Variants in PHETA2 observed in about 807,000 individuals in gnomAD.
The protein encoded by PHETA2 is PH domain containing endocytic trafficking adaptor 2.
For missense variants in PHETA2, 321 were observed against 341.3 expected (o/e 0.94, Z 0.47); for synonymous variants, 133 against 142.9 (o/e 0.93, Z 0.50).
In PHETA2 at chr22:42,078,318, T is replaced by G; in HGVS notation, c.*245T>G. ...TAGCAGCCACAGAGCAAGACCCCAA[T>G]CTCCTGACTGCACTGGCCTGACTGC... On this transcript the variant is annotated 3_prime_UTR_variant, in exon 3 of 3. Transcript: ENST00000321753. 2.0e-6 allele frequency: 1 copy of G among 501,294 alleles called. No homozygotes were observed. Among genetic ancestry groups the G allele is most frequent in the Non-Finnish European group, 3.6e-6 (1 of 279,114 alleles). 31.1% of individuals were successfully genotyped at this position (501,294 alleles called of 1,614,324 possible).
rs1927334170 is a variant in PHETA2 at position 42,077,512 on chromosome 22, A to G, written c.219A>G (p.Thr73=). 2 of 1,614,174 alleles carry G rather than the reference A, an allele frequency of 1.2e-6. No homozygotes were observed. The highest frequency in any genetic ancestry group is 1.7e-6 in the Non-Finnish European group (2 of 1,180,020). The change falls in exon 3 of 3, where the codon ACA becomes ACG. Residue 73 remains threonine (T), a synonymous_variant. Coordinates refer to ENST00000321753, the MANE Select transcript of PHETA2 (RefSeq NM_001002034.3). ...GCCTGGTGGTGCTGGAAGGCTGCAC[A>G]GTGGAACTGGCCGAGGCTCCCGTGC... ...PLSLVVLEGC[T]VELAEAPVPE...
chr22:42,076,012 G>GC (rs1927266814), intron 2 of PHETA2: 1 of 157,900 alleles, frequency 6.3e-6, no homozygotes, highest in African/African-American at 2.4e-5. Flanking sequence ...CCTCCCTTGA[G>GC]CTAAAGAATT....
Position 42,077,587 on chromosome 22 carries a change from A to G in PHETA2, c.294A>G (p.Pro98=), listed in dbSNP as rs777688058. 4 of 1,613,966 alleles carry G rather than the reference A, an allele frequency of 2.5e-6. No homozygotes were observed. The African/African-American group carries it at 5.3e-5, about 22-fold the overall frequency. ...AICFDAPGVR[P]HLLAAEGPAA... ...GCTTTGATGCCCCTGGAGTGCGCCC[A>G]CACCTGCTGGCCGCAGAAGGGCCGG... The change falls in exon 3 of 3, where the codon CCA becomes CCG. Residue 98 remains proline (P), a synonymous_variant. Coordinates refer to ENST00000321753, the MANE Select transcript of PHETA2 (RefSeq NM_001002034.3).
rs1179188565 is a variant in PHETA2, at chr22:42,077,326, T to C, written c.33T>C (p.Tyr11=). MKLNERSVAH[Y]ALSDSPADHM... The stretch of plus-strand genomic sequence containing the variant: ...TGAACGAGAGGAGTGTAGCCCACTA[T>C]GCACTCAGCGACTCCCCAGCGGACC... Residue 11 remains tyrosine, a synonymous_variant, in exon 3 of 3, where the codon TAT becomes TAC. Transcript: ENST00000321753. The C allele has an allele frequency of 3.8e-5, 59 of 1,552,254 alleles. No individual in the cohort carries two copies. The highest frequency in any genetic ancestry group is 1.1e-4 in the Admixed American group (6 of 52,232).
Position 42,077,920 on chromosome 22 carries a change from C to T in PHETA2, c.627C>T (p.Leu209=). Residue 209 remains leucine, a synonymous_variant, in exon 3 of 3, where the codon CTC becomes CTT. Coordinates refer to ENST00000321753, the MANE Select transcript of PHETA2 (RefSeq NM_001002034.3). The part of the protein sequence containing the change: ...EWELQGPASL[L]LGKGQSPVSP... ...AGCTGCAGGGCCCTGCCAGCCTCCTCCTAGGCAAGGGGCAGAGCCCTGTGT... is the reference window on the plus strand; with the variant it reads ...AGCTGCAGGGCCCTGCCAGCCTCCTTCTAGGCAAGGGGCAGAGCCCTGTGT... 1.2e-6 allele frequency: 2 copies of T among 1,613,280 alleles called. No individual in the cohort carries two copies. The highest frequency in any genetic ancestry group is 1.7e-6 in the Non-Finnish European group (2 of 1,179,678).
At position 42,078,256 on chromosome 22, in the gene PHETA2, CTCTT is replaced by C. The variant is rs889036035; in HGVS notation, c.*185_*188del. On this transcript the variant is annotated 3_prime_UTR_variant, in exon 3 of 3. Coordinates refer to ENST00000321753, the MANE Select transcript of PHETA2 (RefSeq NM_001002034.3). ...GGACTGCGGGACCATTCCTTCCATC[CTCTT>C]TATTTCCTGAGGTCCAGAGAAGGAA... 4.7e-6 allele frequency: 3 copies of C among 642,608 alleles called. No homozygotes were observed. Among genetic ancestry groups the C allele is most frequent in the African/African-American group, 3.8e-5 (2 of 53,194 alleles). The allele number at this position is 642,608 out of a possible 1,614,324, so 39.8% of individuals were successfully genotyped here.
chr22:42,074,729 C>T (rs1289870427), intron 1 of PHETA2, among the ~76,000 whole-genome samples: 1 of 152,076 alleles, frequency 6.6e-6, no homozygotes, highest in East Asian at 1.9e-4. Context: ...AGTGCTGGGC[C>T]CAGGACCCCC....
chr22:42,077,232 C>T lies in PHETA2; in HGVS notation c.-14-48C>T, dbSNP rs546238822. Reference sequence around the variant, plus strand: ...GCCGGTGCTGTTCCCCAGGAGGGCACGGAACCACCTCCCTCTCTGATCTGC... The same window carrying T: ...GCCGGTGCTGTTCCCCAGGAGGGCATGGAACCACCTCCCTCTCTGATCTGC... On this transcript the variant is annotated intron_variant, in intron 2 of 2. Transcript: ENST00000321753. The T allele has an allele frequency of 6.7e-6, 10 of 1,494,412 alleles. No individual in the cohort carries two copies. In the South Asian group the frequency reaches 6.8e-5, roughly 10 times the overall value. 92.6% of individuals were successfully genotyped at this position (1,494,412 alleles called of 1,614,324 possible). A position where few individuals can be genotyped will look rare whatever the true frequency, so the allele number is the denominator to read the frequency against.
Position 42,078,237 on chromosome 22 carries a change from C to T in PHETA2, c.*164C>T, listed in dbSNP as rs1927418712. 6.8e-6 allele frequency: 5 copies of T among 730,728 alleles called. No individual in the cohort carries two copies. The highest frequency in any genetic ancestry group is 1.1e-5 in the Non-Finnish European group (5 of 461,184). The allele number at this position is 730,728 out of a possible 1,614,324, so 45.3% of individuals were successfully genotyped here. ...CCACCCGTGTGTCTGGAAGGGACTG[C>T]GGGACCATTCCTTCCATCCTCTTTA... On this transcript the variant is annotated 3_prime_UTR_variant, in exon 3 of 3. Transcript: ENST00000321753.
chr22:42,077,606 G>C lies in PHETA2; in HGVS notation c.313G>C (p.Gly105Arg). The C allele has an allele frequency of 1.2e-6, 2 of 1,614,082 alleles. No homozygotes were observed. Among genetic ancestry groups the C allele is most frequent in the Non-Finnish European group, 1.7e-6 (2 of 1,179,984 alleles). The change falls in exon 3 of 3, where the codon GGG becomes CGG. Residue 105 changes from glycine to arginine, a missense_variant. Coordinates refer to ENST00000321753, the MANE Select transcript of PHETA2 (RefSeq NM_001002034.3). Reference sequence around the variant, plus strand: ...GCGCCCACACCTGCTGGCCGCAGAAGGGCCGGCGGCCCAGGAGGCCTGGGT... The same window carrying C: ...GCGCCCACACCTGCTGGCCGCAGAACGGCCGGCGGCCCAGGAGGCCTGGGT... ...GVRPHLLAAEGPAAQEAWVKV... is the reference protein window; with the variant it reads ...GVRPHLLAAERPAAQEAWVKV...
chr22:42,076,745 G>A (rs1435328405), intron 2 of PHETA2, among the ~76,000 whole-genome samples: 1 of 152,098 alleles, frequency 6.6e-6, no homozygotes, highest in Non-Finnish European at 1.5e-5. Context: ...CCTTACTCTC[G>A]CTCAAGTAAA....
At chr22:42,074,378 C>G (rs866707451) in intron 1 of PHETA2, 37 bp downstream of exon 1, 65 of 152,464 alleles carry the variant, frequency 4.3e-4, no homozygotes, top group African/African-American at 1.5e-3. Context: ...GAGGAGGTGG[C>G]CCCAGGGAAG....
chr22:42,076,808 C>T (rs1203245470), intron 2 of PHETA2, among the ~76,000 whole-genome samples: 1 of 152,116 alleles, frequency 6.6e-6, no homozygotes, highest in East Asian at 1.9e-4. Context: ...CAATAAGATT[C>T]AACAGCTATA....
Position 42,078,381 on chromosome 22 carries a change from G to C in PHETA2, c.*308G>C, listed in dbSNP as rs540109519. 2.7e-5 allele frequency: 10 copies of C among 375,134 alleles called. No individual in the cohort carries two copies. The East Asian group carries it at 4.5e-4, about 17-fold the overall frequency. The allele number at this position is 375,134 out of a possible 1,614,324, so 23.2% of individuals were successfully genotyped here. A position where few individuals can be genotyped will look rare whatever the true frequency, so the allele number is the denominator to read the frequency against. ...GATGTTAATGAAATGAAGGAAGTGG[G>C]GAATGTCACCCGAGACTGTCACAGG... is the stretch of plus-strand genomic sequence containing the variant. On this transcript the variant is annotated 3_prime_UTR_variant, in exon 3 of 3. Transcript: ENST00000321753.
At chr22:42,076,540 C>T (rs1477227978) in intron 2 of PHETA2, among the ~76,000 whole-genome samples, 1 of 152,134 alleles carries the variant, frequency 6.6e-6, no homozygotes, top group African/African-American at 2.4e-5. Flanking sequence ...GATCCACCCA[C>T]CTCGGCCTCC....
At position 42,078,186 on chromosome 22, in the gene PHETA2, A is replaced by G. The variant is rs919338863; in HGVS notation, c.*113A>G. 2 of 1,241,932 alleles carry G rather than the reference A, an allele frequency of 1.6e-6. No individual in the cohort carries two copies. The highest frequency in any genetic ancestry group is 2.7e-5 in the East Asian group (1 of 36,758). The allele number at this position is 1,241,932 out of a possible 1,614,324, so 76.9% of individuals were successfully genotyped here. ...GGACATGGGTTCTCTCCTTCCTGCT[A>G]TTTAGGCATTCTCCAGGTTCGAGAT... is the stretch of plus-strand genomic sequence containing the variant. On this transcript the variant is annotated 3_prime_UTR_variant, in exon 3 of 3. Coordinates refer to ENST00000321753, the MANE Select transcript of PHETA2 (RefSeq NM_001002034.3).
intron 1 of PHETA2, among the ~76,000 whole-genome samples, chr22:42,074,711 T>C (rs955133973): frequency 6.6e-6 from 1 of 151,834 alleles, no homozygotes; most frequent in Non-Finnish European, 1.5e-5. Flanking sequence ...ACCCCCTCCC[T>C]GTGCCCCAGT....
chr22:42,077,934 A>C lies in PHETA2; in HGVS notation c.641A>C (p.Gln214Pro), dbSNP rs746677003. The change falls in exon 3 of 3, where the codon CAG becomes CCG. Residue 214 changes from glutamine to proline, a missense_variant. Physicochemically the swap from Gln to Pro is moderately conservative, Grantham distance 76. Transcript: ENST00000321753. ...GCCAGCCTCCTCCTAGGCAAGGGGCAGAGCCCTGTGTCCCCTGAGACCTCC... is the reference window on the plus strand; with the variant it reads ...GCCAGCCTCCTCCTAGGCAAGGGGCCGAGCCCTGTGTCCCCTGAGACCTCC... ...GPASLLLGKG[Q>P]SPVSPETSCF... 2 of 1,612,906 alleles carry C rather than the reference A, an allele frequency of 1.2e-6. No individual in the cohort carries two copies. The highest frequency in any genetic ancestry group is 1.7e-6 in the Non-Finnish European group (2 of 1,179,512).
Position 42,078,190 on chromosome 22 carries a change from A to C in PHETA2, c.*117A>C. ...ATGGGTTCTCTCCTTCCTGCTATTT[A>C]GGCATTCTCCAGGTTCGAGATCCAC... On this transcript the variant is annotated 3_prime_UTR_variant, in exon 3 of 3. Coordinates refer to ENST00000321753, the MANE Select transcript of PHETA2 (RefSeq NM_001002034.3). 1 of 1,234,936 alleles carries C rather than the reference A, an allele frequency of 8.1e-7. No individual in the cohort carries two copies. The highest frequency in any genetic ancestry group is 1.1e-6 in the Non-Finnish European group (1 of 907,362). 76.5% of individuals were successfully genotyped at this position (1,234,936 alleles called of 1,614,324 possible). A position where few individuals can be genotyped will look rare whatever the true frequency, so the allele number is the denominator to read the frequency against.
Sources: gnomAD v4.1 joint callset for allele counts (sites outside exome capture counted in the v4.1 genomes callset) on GRCh38, gnomAD v4.1.1 for gene constraint, MANE v1.5 for transcripts, NCBI Gene and HGNC (gene_info 2026-07-23, HGNC 2026-07-21) for gene names.